Variants in WDPCP observed in about 807,000 individuals in gnomAD.
The protein encoded by WDPCP is WD repeat containing planar cell polarity effector, also known as WD repeat-containing and planar cell polarity effector protein fritz homolog.
Under a neutral mutation model 93.1 loss-of-function variants are expected in WDPCP, and 71 were observed. The observed-to-expected ratio is 0.76, with a 90% CI of 0.63 to 0.93. The LOEUF (loss-of-function observed/expected upper bound fraction) is 0.93, where lower values mean the gene tolerates loss of function less well. Among genes scored for constraint, WDPCP ranks in the 40% least tolerant of loss-of-function variants. WDPCP has a pLI of 0.00. For synonymous variants in WDPCP, 315 were observed against 315.0 expected (o/e 1.00, Z 0.00); for missense variants, 844 against 887.4 (o/e 0.95, Z 0.62).
intron 2 of WDPCP, among the ~76,000 whole-genome samples, chr2:63,710,291 G>C (rs768953995): frequency 1.2e-4 from 19 of 152,176 alleles, no homozygotes; most frequent in Non-Finnish European, 2.1e-4. Context: ...GGTGCCCAAG[G>C]TTGGCTGAGT....
chr2:63,225,136 T>C (rs1574921176), intron 14 of WDPCP, among the ~76,000 whole-genome samples: 3 of 151,942 alleles, frequency 2.0e-5, no homozygotes, highest in East Asian at 3.9e-4. Flanking sequence ...GACTTTGGGG[T>C]TGTTCTGCAG....
chr2:63,718,773 T>G (rs1320835043), intron 2 of WDPCP, among the ~76,000 whole-genome samples: 1 of 152,132 alleles, frequency 6.6e-6, no homozygotes, highest in Non-Finnish European at 1.5e-5. Context: ...GCTTCAAAAA[T>G]GTACTTCAAA....
At chr2:63,530,147 C>A (rs954391618) in intron 1 of WDPCP, among the ~76,000 whole-genome samples, 1 of 152,106 alleles carries the variant, frequency 6.6e-6, no homozygotes, top group Non-Finnish European at 1.5e-5. Context: ...TTTCAAAAAA[C>A]CAGCTCCTGG....
chr2:63,710,315 G>A (rs748630815), intron 2 of WDPCP, among the ~76,000 whole-genome samples: 1 of 152,174 alleles, frequency 6.6e-6, no homozygotes, highest in Non-Finnish European at 1.5e-5. Context: ...TCTACTGAAA[G>A]CTAGCACTTG....
At chr2:63,165,852 CCTT>C (rs1489744149) in intron 15 of WDPCP, among the ~76,000 whole-genome samples, 2 of 151,592 alleles carry the variant, frequency 1.3e-5, no homozygotes, top group African/African-American at 4.8e-5. Context: ...TGTTTTCTCT[CCTT>C]TTTTTGATCA....
chr2:63,184,502 A>G (rs991773589), intron 14 of WDPCP, among the ~76,000 whole-genome samples: 16 of 152,080 alleles, frequency 1.1e-4, no homozygotes, highest in Non-Finnish European at 1.3e-4. Context: ...TCTGTGGTTG[A>G]CAATTTTTTT....
intron 2 of WDPCP, among the ~76,000 whole-genome samples, chr2:63,686,825 A>G (rs986064313): frequency 1.3e-5 from 2 of 151,264 alleles, no homozygotes; most frequent in Non-Finnish European, 2.9e-5. Context: ...TCTCTTGAGA[A>G]AGGACAGTCT....
At chr2:63,636,857 A>T (rs1044605599) in intron 3 of WDPCP, among the ~76,000 whole-genome samples, 1 of 152,236 alleles carries the variant, frequency 6.6e-6, no homozygotes, top group African/African-American at 2.4e-5. Context: ...GTTGGGAAAC[A>T]GGATATCCAC....
intron 1 of WDPCP, among the ~76,000 whole-genome samples, chr2:63,823,418 G>T (rs978361818): frequency 1.3e-5 from 2 of 152,064 alleles, no homozygotes; most frequent in Non-Finnish European, 2.9e-5. Flanking sequence ...AGGCAGAACT[G>T]CTTGAACCTG....
intron 1 of WDPCP, among the ~76,000 whole-genome samples, chr2:63,575,564 T>TGTATGC (rs1558833924): frequency 4.4e-5 from 2 of 45,472 alleles, no homozygotes; most frequent in Admixed American, 3.0e-4. Context: ...ACAGTATATA[T>TGTATGC]ACTATATAAC....
intron 14 of WDPCP, among the ~76,000 whole-genome samples, chr2:63,256,291 G>A (rs1227731902): frequency 6.6e-6 from 1 of 152,132 alleles, no homozygotes; most frequent in Non-Finnish European, 1.5e-5. Flanking sequence ...TTGACAGCCA[G>A]AGTTGCTTAA....
intron 14 of WDPCP, among the ~76,000 whole-genome samples, chr2:63,225,369 T>C (rs1678199929): frequency 6.6e-6 from 1 of 151,866 alleles, no homozygotes; most frequent in African/African-American, 2.4e-5. Context: ...GGTTGGGGGT[T>C]GAGGATACCA....
At chr2:63,759,041 A>C (rs949839726) in intron 2 of WDPCP, among the ~76,000 whole-genome samples, 2 of 152,066 alleles carry the variant, frequency 1.3e-5, no homozygotes, top group South Asian at 4.2e-4. Flanking sequence ...TTGGCCTCCC[A>C]AAGTGCTGGG....
At chr2:63,582,382 T>C (rs1311891606) in intron 1 of WDPCP, among the ~76,000 whole-genome samples, 11 of 152,088 alleles carry the variant, frequency 7.2e-5, no homozygotes, top group Admixed American at 7.2e-4. Context: ...AAAGAAAAGA[T>C]AATTTTAAAA....
chr2:63,709,318 A>G (rs1249021200), intron 2 of WDPCP, among the ~76,000 whole-genome samples: 1 of 151,982 alleles, frequency 6.6e-6, no homozygotes, highest in African/African-American at 2.4e-5. Context: ...CCGTCCCGAA[A>G]AAAAGAATGG....
chr2:63,706,134 G>C (rs1324491841), intron 2 of WDPCP, among the ~76,000 whole-genome samples: 1 of 151,752 alleles, frequency 6.6e-6, no homozygotes, highest in East Asian at 1.9e-4. Context: ...GCATTTTTTT[G>C]TTTTCCATTT....
intron 1 of WDPCP, among the ~76,000 whole-genome samples, chr2:63,572,936 A>G (rs991888453): frequency 3.3e-5 from 5 of 151,940 alleles, no homozygotes; most frequent in African/African-American, 1.2e-4. Flanking sequence ...TAGTTAGAAG[A>G]GGATTTCTGC....
the WDPCP span, among the ~76,000 whole-genome samples, chr2:63,833,080 C>T: frequency 6.6e-6 from 1 of 152,110 alleles, no homozygotes; most frequent in Non-Finnish European, 1.5e-5. Context: ...TGGTGAAACT[C>T]CATCTCTACT....
At chr2:63,494,255 A>G (rs1410112351) in intron 1 of WDPCP, among the ~76,000 whole-genome samples, 1 of 150,636 alleles carries the variant, frequency 6.6e-6, no homozygotes, top group African/African-American at 2.5e-5. Context: ...AAAGAAGGAT[A>G]AGATTTCACC....
Sources: allele counts gnomAD v4.1 joint callset (sites outside exome capture counted in the v4.1 genomes callset), GRCh38; gene constraint gnomAD v4.1.1; transcripts MANE v1.5; gene names NCBI Gene and HGNC (gene_info 2026-07-23, HGNC 2026-07-21).